The following WDPCP variants were observed in gnomAD, a reference collection of about 807,000 sequenced individuals.
WDPCP encodes the protein WD repeat containing planar cell polarity effector.
A neutral mutation model predicts 93.1 loss-of-function variants in WDPCP; 71 were observed. The ratio of observed to expected loss-of-function variants is 0.76; its 90% CI spans 0.63 to 0.93. The LOEUF (loss-of-function observed/expected upper bound fraction) is 0.93. WDPCP is among the 40% of genes least tolerant of loss of function. WDPCP has a pLI of 0.00. For synonymous variants in WDPCP, 315 were observed against 315.0 expected (o/e 1.00, Z 0.00); for missense variants, 844 against 887.4 (o/e 0.95, Z 0.62).
chr2:63,406,236 C>T (rs1694573800), intron 9 of WDPCP, among the ~76,000 whole-genome samples: 1 of 152,166 alleles, frequency 6.6e-6, no homozygotes, highest in African/African-American at 2.4e-5. Context: ...CTTTACTCCA[C>T]TCTTCAAACC....
At chr2:63,576,288 T>C (rs1448439151) in intron 1 of WDPCP, among the ~76,000 whole-genome samples, 1 of 152,094 alleles carries the variant, frequency 6.6e-6, no homozygotes, top group Admixed American at 6.6e-5. Flanking sequence ...GACCTGCGCA[T>C]CTGACCAACT....
rs563488376 is a variant in WDPCP, at chr2:63,768,317, T to C, written n.308+45305A>G. ...ATGCCACTATCTTTAAGTCAGACAG[T>C]ATAAGTGTGCCATTTTTGTTCCTTT... On this transcript the variant is annotated intron_variant and non_coding_transcript_variant, in intron 2 of 4. Transcript: ENST00000467687. Among the ~76,000 whole-genome samples, 3 of 151,884 alleles carry C rather than the reference T, an allele frequency of 2.0e-5. No individual in the cohort carries two copies. In the East Asian group the frequency reaches 5.8e-4, roughly 29 times the overall value.
At chr2:63,329,882 C>T (rs1687850190) in intron 12 of WDPCP, among the ~76,000 whole-genome samples, 1 of 152,096 alleles carries the variant, frequency 6.6e-6, no homozygotes, top group African/African-American at 2.4e-5. Flanking sequence ...AGCATAATGT[C>T]CTCTAGGTTC....
chr2:63,829,443 C>G (rs1419483783), upstream of WDPCP, among the ~76,000 whole-genome samples: 1 of 152,036 alleles, frequency 6.6e-6, no homozygotes, highest in African/African-American at 2.4e-5. Context: ...CAACTCCTTG[C>G]TTTTTTAACA....
At chr2:63,234,769 G>A (rs2104590542) in intron 14 of WDPCP, among the ~76,000 whole-genome samples, 1 of 152,260 alleles carries the variant, frequency 6.6e-6, no homozygotes, top group South Asian at 2.1e-4. Flanking sequence ...AGTATAGAAT[G>A]TATGACAAGC....
chr2:63,779,784 A>AT (rs370921960), intron 2 of WDPCP, among the ~76,000 whole-genome samples: 7 of 152,296 alleles, frequency 4.6e-5, no homozygotes, highest in African/African-American at 1.7e-4. Context: ...TGGGCTGAAA[A>AT]TACTGTTTAA....
chr2:63,540,665 A>G (rs1338027372), intron 1 of WDPCP, among the ~76,000 whole-genome samples: 1 of 152,226 alleles, frequency 6.6e-6, no homozygotes, highest in Non-Finnish European at 1.5e-5. Flanking sequence ...AGCAAACTAG[A>G]ACTGTTATAC....
rs530223105 is a variant in WDPCP at position 63,824,931 on chromosome 2, A to C, written n.222+2691T>G. Among the ~76,000 whole-genome samples the C allele has an allele frequency of 2.6e-5, 4 of 152,292 alleles. No individual in the cohort carries two copies. In the East Asian group the frequency reaches 7.7e-4, roughly 29 times the overall value. The stretch of plus-strand genomic sequence containing the variant: ...CGTATTTTACAATATAACAGTTAAT[A>C]ATTGACATTTTCACATAATAAAAAC... On this transcript the variant is annotated intron_variant and non_coding_transcript_variant, in intron 1 of 4. Transcript: ENST00000467687.
intron 2 of WDPCP, among the ~76,000 whole-genome samples, chr2:63,722,431 G>T (rs1386902500): frequency 1.6e-4 from 24 of 150,214 alleles, no homozygotes; most frequent in African/African-American, 5.9e-4. Flanking sequence ...ACCCCATCTG[G>T]GAGGTGAGGA....
chr2:63,123,109 G>A (rs914631972), intron 17 of WDPCP, among the ~76,000 whole-genome samples: 1 of 151,112 alleles, frequency 6.6e-6, no homozygotes, highest in African/African-American at 2.4e-5. Flanking sequence ...AATAGTGCCT[G>A]AGGCTTGAGT....
At chr2:63,405,538 T>TGTGTGC (rs1232356952) in intron 9 of WDPCP, among the ~76,000 whole-genome samples, 1 of 70,138 alleles carries the variant, frequency 1.4e-5, no homozygotes, top group African/African-American at 5.1e-5. Context: ...GTATAGTGTG[T>TGTGTGC]GTGTGTGTGT....
chr2:63,608,113 T>C (rs892406828), intron 3 of WDPCP, among the ~76,000 whole-genome samples: 5 of 152,084 alleles, frequency 3.3e-5, no homozygotes, highest in Admixed American at 6.5e-5. Flanking sequence ...TAAGGCTAGC[T>C]ACTAATATTA....
chr2:63,285,370 C>A (rs1166921826), intron 13 of WDPCP, among the ~76,000 whole-genome samples: 1 of 149,072 alleles, frequency 6.7e-6, no homozygotes, highest in Non-Finnish European at 1.5e-5. Flanking sequence ...GGAGGTGGAG[C>A]TTGCAGTGAG....
intron 13 of WDPCP, among the ~76,000 whole-genome samples, chr2:63,312,253 AT>A (rs1185399252): frequency 6.6e-6 from 1 of 152,214 alleles, no homozygotes; most frequent in African/African-American, 2.4e-5. Context: ...TCCAAAGATG[AT>A]TGATCTAATG....
intron 15 of WDPCP, among the ~76,000 whole-genome samples, chr2:63,169,460 G>C (rs778391881): frequency 2.2e-4 from 33 of 152,122 alleles, no homozygotes; most frequent in Non-Finnish European, 4.6e-4. Context: ...TCCTGAAAGT[G>C]CACTTTGGGT....
intron 12 of WDPCP, among the ~76,000 whole-genome samples, chr2:63,334,250 A>C (rs1688191264): frequency 6.6e-6 from 1 of 152,210 alleles, no homozygotes; most frequent in Non-Finnish European, 1.5e-5. Flanking sequence ...CTGAATATCT[A>C]ACTGAGACAG....
chr2:63,470,584 C>G (rs530621118), intron 6 of WDPCP, among the ~76,000 whole-genome samples: 2 of 152,166 alleles, frequency 1.3e-5, no homozygotes. Context: ...ACACCTTACC[C>G]TGGACTACGG....
At chr2:63,734,906 C>CAGAT (rs375086600) in intron 2 of WDPCP, among the ~76,000 whole-genome samples, 30,591 of 147,512 alleles carry the variant, frequency 0.21, 3,562 homozygotes, top group Middle Eastern at 0.3. Flanking sequence ...GACAGACAGA[C>CAGAT]AGATAGATAG....
chr2:63,723,509 C>A (rs932209073), intron 2 of WDPCP, among the ~76,000 whole-genome samples: 16 of 152,164 alleles, frequency 1.1e-4, no homozygotes, highest in African/African-American at 3.9e-4. Context: ...TCTCCCAGAA[C>A]AGAATCTCCA....
Sources: gnomAD v4.1 joint callset for allele counts (sites outside exome capture counted in the v4.1 genomes callset) on GRCh38, gnomAD v4.1.1 for gene constraint, MANE v1.5 for transcripts, NCBI Gene and HGNC (gene_info 2026-07-23, HGNC 2026-07-21) for gene names.